The following MYMX variants were observed in gnomAD, a reference collection of about 807,000 sequenced individuals.
The protein encoded by MYMX is myomixer, myoblast fusion factor, also known as protein myomixer.
the MYMX span, among the ~76,000 whole-genome samples, chr6:44,207,777 C>T: frequency 1.3e-5 from 2 of 152,168 alleles, no homozygotes; most frequent in East Asian, 3.9e-4. Flanking sequence ...GTGATCCGCC[C>T]ACTTCAGCCT....
chr6:44,206,634 T>C, the MYMX span, among the ~76,000 whole-genome samples: 5,304 of 152,296 alleles, frequency 0.035, 308 homozygotes, highest in African/African-American at 0.12. Flanking sequence ...TTTGGTCTAG[T>C]ACTTGTTTCT....
the MYMX span, among the ~76,000 whole-genome samples, chr6:44,205,990 A>C: frequency 1.4e-5 from 2 of 140,964 alleles, no homozygotes; most frequent in Non-Finnish European, 3.1e-5. Context: ...AAAAAAAAAA[A>C]AACAAAACAA....
the MYMX span, among the ~76,000 whole-genome samples, chr6:44,194,015 A>C: frequency 6.6e-6 from 1 of 152,110 alleles, no homozygotes; most frequent in Non-Finnish European, 1.5e-5. Flanking sequence ...CCATAGGTAG[A>C]GTTTTGTGCA....
chr6:44,204,814 G>C, the MYMX span, among the ~76,000 whole-genome samples: 1 of 152,002 alleles, frequency 6.6e-6, no homozygotes, highest in Non-Finnish European at 1.5e-5. Context: ...ATATTTTTGT[G>C]GGACTCCTGT....
chr6:44,208,282 T>G, the MYMX span, among the ~76,000 whole-genome samples: 1 of 151,732 alleles, frequency 6.6e-6, no homozygotes, highest in African/African-American at 2.4e-5. Flanking sequence ...AAAAAACATT[T>G]ACAGCTCTCC....
At chr6:44,217,123 T>C (rs1775919085) in intron 1 of MYMX, 155 bp downstream of exon 1, 2 of 240,998 alleles carry the variant, frequency 8.3e-6, no homozygotes, top group African/African-American at 4.5e-5. Context: ...TCCAGGGGCA[T>C]TGAGGCTGTG....
chr6:44,212,875 A>AC (rs1483900008), upstream of MYMX, among the ~76,000 whole-genome samples: 1 of 151,406 alleles, frequency 6.6e-6, no homozygotes, highest in Non-Finnish European at 1.5e-5. Context: ...AAAAAAAAAA[A>AC]ACAAAACTTG....
chr6:44,196,549 C>A, the MYMX span, among the ~76,000 whole-genome samples: 2 of 151,878 alleles, frequency 1.3e-5, no homozygotes, highest in African/African-American at 4.8e-5. Context: ...CGTGGCGATG[C>A]ACACCTGTAA....
intron 1 of MYMX, 91 bp downstream of exon 1, chr6:44,217,059 G>C (rs199587303): frequency 1.8e-5 from 1 of 55,844 alleles, no homozygotes; most frequent in Non-Finnish European, 4.2e-5. Flanking sequence ...AAGAAAAATT[G>C]AGAATTGCCT....
chr6:44,194,860 T>A, the MYMX span, among the ~76,000 whole-genome samples: 1 of 152,134 alleles, frequency 6.6e-6, no homozygotes, highest in South Asian at 2.1e-4. Context: ...GGGAGACCAG[T>A]ACATGTTTCA....
At chr6:44,215,498 G>A (rs2128331180), upstream of MYMX, among the ~76,000 whole-genome samples, 2 of 152,306 alleles carry the variant, frequency 1.3e-5, no homozygotes, top group South Asian at 4.1e-4. Flanking sequence ...ACTTGATCCT[G>A]TGAGGTTGAG....
chr6:44,208,666 G>A, the MYMX span, among the ~76,000 whole-genome samples: 29 of 152,278 alleles, frequency 1.9e-4, 1 homozygote, highest in Admixed American at 7.9e-4. Flanking sequence ...ATTACAGAGA[G>A]CACTGGTCTC....
chr6:44,216,986 T>G lies in MYMX; in HGVS notation c.-23+18T>G. On this transcript the variant is annotated intron_variant, in intron 1 of 1. Coordinates refer to ENST00000573382, the MANE Select transcript of MYMX (RefSeq NM_001315494.2). Reference sequence around the variant, plus strand: ...TCTGCCCGGTGAGAGCTGCCGTGGATTGGTGGGGGTAGGGGACTGAGAGGT... The same window carrying G: ...TCTGCCCGGTGAGAGCTGCCGTGGAGTGGTGGGGGTAGGGGACTGAGAGGT... 6.5e-6 allele frequency: 1 copy of G among 153,636 alleles called. No homozygotes were observed. The highest frequency in any genetic ancestry group is 1.4e-5 in the Non-Finnish European group (1 of 69,122). 9.5% of individuals were successfully genotyped at this position (153,636 alleles called of 1,614,324 possible).
chr6:44,202,076 G>C, the MYMX span, among the ~76,000 whole-genome samples: 1 of 152,152 alleles, frequency 6.6e-6, no homozygotes, highest in Non-Finnish European at 1.5e-5. Context: ...ATGCAGAAGG[G>C]GTGGGAAGAG....
chr6:44,193,877 G>A, the MYMX span, among the ~76,000 whole-genome samples: 9 of 152,114 alleles, frequency 5.9e-5, no homozygotes, highest in African/African-American at 1.7e-4. Context: ...CCAGCTACTC[G>A]GAAGGCTGAG....
At chr6:44,193,146 A>C in the MYMX span, among the ~76,000 whole-genome samples, 4 of 152,188 alleles carry the variant, frequency 2.6e-5, no homozygotes, top group African/African-American at 9.6e-5. Context: ...GAGAACACTC[A>C]GGGGAAAATT....
chr6:44,194,453 G>C, the MYMX span, among the ~76,000 whole-genome samples: 1 of 152,216 alleles, frequency 6.6e-6, no homozygotes, highest in Non-Finnish European at 1.5e-5. Context: ...CAGGGAGCAG[G>C]CTGCACTCCC....
upstream of MYMX, among the ~76,000 whole-genome samples, chr6:44,215,876 CAG>C (rs1489111378): frequency 7.2e-5 from 11 of 152,118 alleles, no homozygotes; most frequent in Admixed American, 7.2e-4. Flanking sequence ...GCCTGGGTGA[CAG>C]AGTGAGACTC....
the MYMX span, among the ~76,000 whole-genome samples, chr6:44,194,178 G>A: frequency 1.3e-5 from 2 of 152,234 alleles, no homozygotes; most frequent in Admixed American, 6.5e-5. Flanking sequence ...GACATCTGTT[G>A]TCATAATTGG....
Sources: allele counts gnomAD v4.1 joint callset (sites outside exome capture counted in the v4.1 genomes callset), GRCh38; gene constraint gnomAD v4.1.1; transcripts MANE v1.5; gene names NCBI Gene and HGNC (gene_info 2026-07-23, HGNC 2026-07-21).